Variants in CHRNB2 observed in about 807,000 individuals in gnomAD.
CHRNB2 encodes neuronal acetylcholine receptor subunit beta-2.
Under a neutral mutation model 42.7 loss-of-function variants are expected in CHRNB2, and 33 were observed. The ratio of observed to expected loss-of-function variants is 0.77; its 90% CI spans 0.59 to 1.03. CHRNB2 has a LOEUF of 1.03. Among genes scored for constraint, CHRNB2 ranks in the 50% least tolerant of loss-of-function variants. The probability of loss-of-function intolerance (pLI) is 0.00; values close to 1 mark genes in which losing one functional copy is unlikely to be tolerated. For missense variants in CHRNB2, 603 were observed against 700.9 expected (o/e 0.86, Z 1.58); for synonymous variants, 325 against 292.9 (o/e 1.11, Z -1.12).
chr1:154,575,665 G>A (rs1696257785), intron 5 of CHRNB2, 97 bp from the exon 6 acceptor site: 3 of 1,169,680 alleles, frequency 2.6e-6, no homozygotes, highest in Non-Finnish European at 3.8e-6. Context: ...TGCAGGAGAG[G>A]AGTGGGGTGT....
In CHRNB2 at chr1:154,575,794, G is replaced by C; in HGVS notation, c.1371G>C (p.Val457=). The part of the protein sequence containing the change: ...VSEDWKYVAM[V]IDRLFLWIFV... ...AGGACTGGAAGTACGTCGCCATGGT[G>C]ATCGACCGCCTCTTCCTCTGGATCT... Residue 457 remains valine, a synonymous_variant, in exon 6 of 6, where the codon GTG becomes GTC. Coordinates refer to ENST00000368476, the MANE Select transcript of CHRNB2 (RefSeq NM_000748.3). 3 of 1,614,164 alleles carry C rather than the reference G, an allele frequency of 1.9e-6. No homozygotes were observed. Among genetic ancestry groups the C allele is most frequent in the Non-Finnish European group, 2.5e-6 (3 of 1,180,024 alleles).
Position 154,576,581 on chromosome 1 carries a change from A to G in CHRNB2, c.*649A>G, listed in dbSNP as rs1458034456. 1 of 162,136 alleles carries G rather than the reference A, an allele frequency of 6.2e-6. No individual in the cohort carries two copies. The highest frequency in any genetic ancestry group is 2.4e-5 in the African/African-American group (1 of 41,564). 10.0% of individuals were successfully genotyped at this position (162,136 alleles called of 1,614,324 possible). A position where few individuals can be genotyped will look rare whatever the true frequency, so the allele number is the denominator to read the frequency against. ...TCTAAGGGATCCAGAGACCTGCTCC[A>G]GATCCTCTTTCCCCACTGAAGAATT... On this transcript the variant is annotated 3_prime_UTR_variant, in exon 6 of 6. Transcript: ENST00000368476.
chr1:154,567,784 C>T lies in CHRNB2; in HGVS notation c.-261C>T, dbSNP rs1277029869. The T allele has an allele frequency of 7.1e-6, 3 of 420,146 alleles. No homozygotes were observed. The East Asian group carries it at 1.2e-4, about 17-fold the overall frequency. 26.0% of individuals were successfully genotyped at this position (420,146 alleles called of 1,614,324 possible). ...GTTTCCGCCTCCGGGGCGCAGACTC[C>T]TCCCCCTCACCGTCCCAATTGTATT... is the stretch of plus-strand genomic sequence containing the variant. On this transcript the variant is annotated 5_prime_UTR_variant, in exon 1 of 6. Transcript: ENST00000368476.
In CHRNB2 at chr1:154,578,197, GC is replaced by G. The variant is rs1696318466; in HGVS notation, c.*2267del. 2.0e-5 allele frequency: 3 copies of G among 152,292 alleles called. No homozygotes were observed. The highest frequency in any genetic ancestry group is 4.4e-5 in the Non-Finnish European group (3 of 68,086). 9.4% of individuals were successfully genotyped at this position (152,292 alleles called of 1,614,324 possible). ...CCTCCCTCTGAAGGGTAGGATGCCG[GC>G]CTGAGGCCCTCCCTCTTGGCTCTCC... On this transcript the variant is annotated 3_prime_UTR_variant, in exon 6 of 6. Transcript: ENST00000368476.
Position 154,576,040 on chromosome 1 carries a change from C to A in CHRNB2, c.*108C>A. The stretch of plus-strand genomic sequence containing the variant: ...ACCAGGAAGAGGGGCGCTGCCCCCA[C>A]AGATCCATCCTTTTGCTTCATCTGG... On this transcript the variant is annotated 3_prime_UTR_variant, in exon 6 of 6. Transcript: ENST00000368476. 2.1e-6 allele frequency: 3 copies of A among 1,401,112 alleles called. No homozygotes were observed. The highest frequency in any genetic ancestry group is 2.3e-5 in the South Asian group (2 of 86,028). The allele number at this position is 1,401,112 out of a possible 1,614,324, so 86.8% of individuals were successfully genotyped here. A position where few individuals can be genotyped will look rare whatever the true frequency, so the allele number is the denominator to read the frequency against.
chr1:154,575,308 C>G (rs1478706046), intron 5 of CHRNB2, among the ~76,000 whole-genome samples: 1 of 152,140 alleles, frequency 6.6e-6, no homozygotes, highest in African/African-American at 2.4e-5. Context: ...GCAGAGGGAA[C>G]CCAGAGCAGA....
intron 5 of CHRNB2, among the ~76,000 whole-genome samples, chr1:154,573,127 G>A (rs1696209579): frequency 6.6e-6 from 1 of 152,144 alleles, no homozygotes; most frequent in Admixed American, 6.5e-5. Flanking sequence ...AGCAGGAGAT[G>A]GGTTGGAGCT....
In CHRNB2 at chr1:154,572,104, G is replaced by A. The variant is rs1326707359; in HGVS notation, c.1281G>A (p.Ala427=). Residue 427 remains alanine, a synonymous_variant, in exon 5 of 6, where the codon GCG becomes GCA. Coordinates refer to ENST00000368476, the MANE Select transcript of CHRNB2 (RefSeq NM_000748.3). The part of the protein sequence containing the change: ...GEPCGCGLRE[A]VDGVRFIADH... Reference sequence around the variant, plus strand: ...CGTGTGGCTGTGGCCTCCGGGAGGCGGTGGACGGCGTGCGCTTCATCGCAG... The same window carrying A: ...CGTGTGGCTGTGGCCTCCGGGAGGCAGTGGACGGCGTGCGCTTCATCGCAG... 1.3e-6 allele frequency: 2 copies of A among 1,536,786 alleles called. No homozygotes were observed. Among genetic ancestry groups the A allele is most frequent in the Admixed American group, 2.0e-5 (1 of 50,964 alleles).
intron 5 of CHRNB2, among the ~76,000 whole-genome samples, chr1:154,574,864 G>A (rs1696242144): frequency 6.6e-6 from 1 of 152,080 alleles, no homozygotes; most frequent in Non-Finnish European, 1.5e-5. Flanking sequence ...CTCAGTGGCT[G>A]TCTCCCCACC....
chr1:154,569,355 A>C, intron 1 of CHRNB2, 107 bp from the exon 2 acceptor site: 1 of 1,289,518 alleles, frequency 7.8e-7, no homozygotes, highest in Non-Finnish European at 1.1e-6. Context: ...TTAGGGATGT[A>C]GGGAGATACT....
In CHRNB2 at chr1:154,571,469, C is replaced by A. The variant is rs200796605; in HGVS notation, c.646C>A (p.Pro216Thr). The part of the protein sequence containing the change: ...VALPGRRNEN[P>T]DDSTYVDITY... ...GCTGCCGGGCCGGCGCAACGAGAACCCCGACGACTCTACGTACGTGGACAT... is the reference window on the plus strand; with the variant it reads ...GCTGCCGGGCCGGCGCAACGAGAACACCGACGACTCTACGTACGTGGACAT... Residue 216 changes from proline (P) to threonine (T), a missense_variant, in exon 5 of 6, where the codon CCC (proline) becomes ACC (threonine). Physicochemically the swap from Pro to Thr is conservative, Grantham distance 38 (BLOSUM62 -1). This residue lies in a region of CHRNB2 where 333 missense variants were observed against 452.6 expected (regional missense o/e 0.74). Transcript: ENST00000368476. This position sits in a 1 kb window ranked among gnomAD's most constrained non-coding sequence, Gnocchi z 6.8. 1 of 1,614,118 alleles carries A rather than the reference C, an allele frequency of 6.2e-7. No homozygotes were observed. The highest frequency in any genetic ancestry group is 8.5e-7 in the Non-Finnish European group (1 of 1,180,032).
rs781654245 is a variant in CHRNB2, at chr1:154,571,899, A to AGCGCCT, written c.1086_1091dup (p.Leu363_Arg364dup). On this transcript the variant is annotated inframe_insertion, in exon 5 of 6. Coordinates refer to ENST00000368476, the MANE Select transcript of CHRNB2 (RefSeq NM_000748.3). This position sits in a 1 kb window ranked among gnomAD's most constrained non-coding sequence, Gnocchi z 6.8. ...CAGCCACGCCATCATTGCGCCCGTC[A>AGCGCCT]GCGCCTGCGCCTGCGGCGACGCCAG... 2.7e-5 allele frequency: 42 copies of AGCGCCT among 1,584,782 alleles called. No homozygotes were observed. Among genetic ancestry groups the AGCGCCT allele is most frequent in the African/African-American group, 5.4e-5 (4 of 74,260 alleles).
At chr1:154,570,484 T>C (rs920790070) in intron 4 of CHRNB2, 117 bp downstream of exon 4, 5 of 712,104 alleles carry the variant, frequency 7.0e-6, no homozygotes, top group East Asian at 5.4e-5. Context: ...ATAATAGATA[T>C]GTAGTCACTA....
Position 154,569,849 on chromosome 1 carries a change from G to A in CHRNB2, c.255+13G>A, listed in dbSNP as rs751186538. The A allele has an allele frequency of 2.2e-5, 35 of 1,613,964 alleles. No homozygotes were observed. The highest frequency in any genetic ancestry group is 3.0e-5 in the Non-Finnish European group (35 of 1,179,928). On this transcript the variant is annotated intron_variant, in intron 3 of 5. Coordinates refer to ENST00000368476, the MANE Select transcript of CHRNB2 (RefSeq NM_000748.3). ...CTGGCTGACCCAGGTAAGCGTAAGT[G>A]CTCTCTTCCACCCACACCCCTGGCC...
At chr1:154,569,393 T>C (rs1002883487) in intron 1 of CHRNB2, 69 bp from the exon 2 acceptor site, 60 of 1,577,116 alleles carry the variant, frequency 3.8e-5, no homozygotes, top group Non-Finnish European at 4.8e-5. Flanking sequence ...CCCATTTGCC[T>C]GGGGAGGGTG....
Position 154,570,272 on chromosome 1 carries a change from T to C in CHRNB2, c.270T>C (p.Tyr90=), listed in dbSNP as rs751365875. 3 of 1,610,862 alleles carry C rather than the reference T, an allele frequency of 1.9e-6. No individual in the cohort carries two copies. The Admixed American group carries it at 5.0e-5, about 27-fold the overall frequency. ...NVWLTQEWED[Y]RLTWKPEEFD... ...TCATTTCCCAGGAGTGGGAAGATTATCGCCTCACCTGGAAGCCTGAAGAGT... is the reference window on the plus strand; with the variant it reads ...TCATTTCCCAGGAGTGGGAAGATTACCGCCTCACCTGGAAGCCTGAAGAGT... Residue 90 remains tyrosine (Y), a synonymous_variant, in exon 4 of 6, where the codon TAT becomes TAC. Coordinates refer to ENST00000368476, the MANE Select transcript of CHRNB2 (RefSeq NM_000748.3).
chr1:154,572,429 GGGGCATCGTTATAT>G (rs1245272747), intron 5 of CHRNB2, among the ~76,000 whole-genome samples: 1 of 152,156 alleles, frequency 6.6e-6, no homozygotes, highest in Non-Finnish European at 1.5e-5. Flanking sequence ...TGCCTGAGCT[GGGGCATCGTTATAT>G]GGGCAGGGAG....
intron 5 of CHRNB2, among the ~76,000 whole-genome samples, chr1:154,575,466 C>A (rs1040799970): frequency 6.6e-6 from 1 of 152,102 alleles, no homozygotes; most frequent in African/African-American, 2.4e-5. Context: ...ACACAGAGAT[C>A]TGGGAGGACA....
At chr1:154,569,675 G>C in intron 2 of CHRNB2, 68 bp downstream of exon 2, 1 of 1,613,158 alleles carries the variant, frequency 6.2e-7, no homozygotes, top group South Asian at 1.1e-5. Context: ...GTTAATGCTT[G>C]TGTGCTTCCT....
Sources: gnomAD v4.1 joint callset for allele counts (sites outside exome capture counted in the v4.1 genomes callset) on GRCh38, gnomAD v4.1.1 for gene constraint, gnomAD v4.1.1 regional missense constraint, Gnocchi (gnomAD v3.1) non-coding constraint, MANE v1.5 for transcripts, NCBI Gene and HGNC (gene_info 2026-07-23, HGNC 2026-07-21) for gene names.